The following RBM20 variants were observed in gnomAD, a reference collection of about 807,000 sequenced individuals.
RBM20 encodes the protein RNA binding motif protein 20, also known as RNA-binding protein 20.
Under a neutral mutation model 110.1 loss-of-function variants are expected in RBM20, and 51 were observed. That is an observed-to-expected ratio of 0.46 (90% CI 0.37 to 0.59). RBM20 has a LOEUF of 0.59. RBM20 is among the 20% of genes least tolerant of loss of function. The pLI, the probability that RBM20 is intolerant of heterozygous loss-of-function variation, is 0.00. For synonymous variants in RBM20, 589 were observed against 618.2 expected (o/e 0.95, Z 0.70); for missense variants, 1,512 against 1,574.9 (o/e 0.96, Z 0.68).
chr10:110,791,687 G>C (rs920189846), intron 5 of RBM20, among the ~76,000 whole-genome samples: 4 of 152,174 alleles, frequency 2.6e-5, no homozygotes, highest in Admixed American at 1.3e-4. Context: ...GGTTTTAAAG[G>C]TGCAGCCCCC....
chr10:110,758,686 G>A (rs1348241088), intron 1 of RBM20, among the ~76,000 whole-genome samples: 4 of 152,234 alleles, frequency 2.6e-5, no homozygotes, highest in African/African-American at 4.8e-5. Flanking sequence ...CTAGTCACAT[G>A]TGGCTGTTGA....
At chr10:110,656,465 CATGT>C (rs1181466567) in intron 1 of RBM20, among the ~76,000 whole-genome samples, 73 of 123,856 alleles carry the variant, frequency 5.9e-4, no homozygotes, top group Middle Eastern at 3.7e-3. Context: ...AGTATGTACT[CATGT>C]GTGTGTGTGT....
intron 12 of RBM20, among the ~76,000 whole-genome samples, chr10:110,828,220 A>G (rs778994584): frequency 3.9e-4 from 60 of 152,160 alleles, no homozygotes; most frequent in Non-Finnish European, 1.5e-4. Context: ...GAGGCTGAAA[A>G]ATGGAGGACT....
chr10:110,784,333 C>G lies in RBM20; in HGVS notation c.1338-8C>G. The G allele has an allele frequency of 2.6e-6, 4 of 1,547,414 alleles. No individual in the cohort carries two copies. Among genetic ancestry groups the G allele is most frequent in the Non-Finnish European group, 3.5e-6 (4 of 1,143,708 alleles). On this transcript the variant is annotated splice_polypyrimidine_tract_variant and splice_region_variant and intron_variant, in intron 3 of 13. Coordinates refer to ENST00000369519, the MANE Select transcript of RBM20 (RefSeq NM_001134363.3). ...AAGGAGCCGGTTTCCCTTTCTCGCC[C>G]TCTCCAGTGCTGGCATCCGGTGTAT...
intron 5 of RBM20, among the ~76,000 whole-genome samples, chr10:110,790,757 G>C (rs142640048): frequency 6.6e-6 from 1 of 151,956 alleles, no homozygotes; most frequent in Non-Finnish European, 1.5e-5. Context: ...ATCTTATTGT[G>C]TAACTTCATT....
intron 1 of RBM20, among the ~76,000 whole-genome samples, chr10:110,744,576 A>G (rs1365991047): frequency 1.3e-5 from 2 of 152,180 alleles, no homozygotes; most frequent in African/African-American, 2.4e-5. Context: ...GACTTACTGA[A>G]CGGAAACTCT....
rs756116415 is a variant in RBM20, at chr10:110,812,574, G to T, written c.2177G>T (p.Arg726Leu). Residue 726 changes from arginine (R) to leucine (L), a missense_variant, in exon 9 of 14, where the codon CGA becomes CTA. Coordinates refer to ENST00000369519, the MANE Select transcript of RBM20 (RefSeq NM_001134363.3). ...RQLDKAELDE[R>L]PEGGRPHREK... is the part of the protein sequence containing the mutation. ...CTGGACAAGGCTGAGTTGGACGAGC[G>T]ACCAGAAGGAGGGAGGCCCCACCGG... The T allele has an allele frequency of 1.9e-6, 3 of 1,551,662 alleles. No homozygotes were observed. The highest frequency in any genetic ancestry group is 2.4e-5 in the South Asian group (2 of 84,050).
chr10:110,688,727 A>G (rs1459267372), intron 1 of RBM20, among the ~76,000 whole-genome samples: 1 of 152,234 alleles, frequency 6.6e-6, no homozygotes, highest in African/African-American at 2.4e-5. Flanking sequence ...ACCTTACATA[A>G]CCATGGTACA....
intron 1 of RBM20, among the ~76,000 whole-genome samples, chr10:110,702,494 A>T (rs943188884): frequency 2.6e-5 from 4 of 152,302 alleles, no homozygotes; most frequent in African/African-American, 9.6e-5. Context: ...TCGGATGGCG[A>T]CCGTGCACTG....
intron 5 of RBM20, among the ~76,000 whole-genome samples, chr10:110,789,299 A>G (rs759609826): frequency 2.6e-5 from 4 of 152,224 alleles, no homozygotes; most frequent in Non-Finnish European, 5.9e-5. Flanking sequence ...CGCAAAGACC[A>G]TCTGCCACTG....
intron 1 of RBM20, among the ~76,000 whole-genome samples, chr10:110,746,040 T>G (rs955937853): frequency 2.0e-5 from 3 of 152,192 alleles, no homozygotes; most frequent in Non-Finnish European, 4.4e-5. Context: ...TGAGTTGCCT[T>G]CAGCTGTTCT....
chr10:110,675,438 T>C lies in RBM20; in HGVS notation c.191+30793T>C, dbSNP rs75940019. ...TCTTATAATGTGGTTCTGAGGACTT[T>C]ACATGTAGTATCTTATTTAATCCCC... is the stretch of plus-strand genomic sequence containing the variant. On this transcript the variant is annotated intron_variant, in intron 1 of 13. Transcript: ENST00000369519. Among the ~76,000 whole-genome samples the C allele has an allele frequency of 2.8e-3, 430 of 152,332 alleles. 3 individuals carry two copies. The highest frequency in any genetic ancestry group is 9.8e-3 in the African/African-American group (408 of 41,566).
chr10:110,742,636 A>ATTC (rs1330911664), intron 1 of RBM20, among the ~76,000 whole-genome samples: 28 of 152,286 alleles, frequency 1.8e-4, no homozygotes, highest in African/African-American at 6.5e-4. Context: ...TCATAACATG[A>ATTC]TTTCTTTCTT....
chr10:110,654,305 T>G (rs1470784532), intron 1 of RBM20, among the ~76,000 whole-genome samples: 1 of 152,248 alleles, frequency 6.6e-6, no homozygotes, highest in Non-Finnish European at 1.5e-5. Context: ...CCATAGATAT[T>G]ATCTAGAGCC....
chr10:110,646,032 T>C (rs1451374445), intron 1 of RBM20, among the ~76,000 whole-genome samples: 2 of 152,232 alleles, frequency 1.3e-5, no homozygotes, highest in African/African-American at 4.8e-5. Context: ...AGAAAAACTA[T>C]TTAAAATTTA....
intron 1 of RBM20, among the ~76,000 whole-genome samples, chr10:110,733,771 A>G (rs1211693205): frequency 6.6e-6 from 1 of 152,210 alleles, no homozygotes; most frequent in African/African-American, 2.4e-5. Context: ...CTGCTCGCTC[A>G]GCTACTTTCA....
intron 11 of RBM20, among the ~76,000 whole-genome samples, chr10:110,822,791 T>C (rs922820957): frequency 6.6e-6 from 1 of 152,016 alleles, no homozygotes; most frequent in Non-Finnish European, 1.5e-5. Flanking sequence ...AGGCTTGGGA[T>C]TTTTTCCATG....
At chr10:110,752,699 A>G (rs1486695029) in intron 1 of RBM20, among the ~76,000 whole-genome samples, 1 of 152,102 alleles carries the variant, frequency 6.6e-6, no homozygotes, top group Non-Finnish European at 1.5e-5. Flanking sequence ...TTTAACAAAT[A>G]AAGCAAACAC....
intron 2 of RBM20, 128 bp downstream of exon 2, chr10:110,782,012 T>A: frequency 8.6e-7 from 1 of 1,165,582 alleles, no homozygotes; most frequent in Non-Finnish European, 1.2e-6. Flanking sequence ...GCCATCAGTA[T>A]TCTTGACTAA....
Sources: allele counts gnomAD v4.1 joint callset (sites outside exome capture counted in the v4.1 genomes callset), GRCh38; gene constraint gnomAD v4.1.1; transcripts MANE v1.5; gene names NCBI Gene and HGNC (gene_info 2026-07-23, HGNC 2026-07-21).